MORN5: variants seen among roughly 807,000 people sequenced by gnomAD.
MORN5 encodes MORN repeat-containing protein 5.
MORN5 carries 21 observed loss-of-function variants against 22.1 expected under a neutral mutation model. The observed-to-expected ratio is 0.95, with a 90% CI of 0.67 to 1.37. MORN5 has a LOEUF of 1.37. Among genes scored for constraint, MORN5 ranks in the 40% most tolerant of loss-of-function variants. The pLI is 0.00. For synonymous variants in MORN5, 73 were observed against 74.0 expected (o/e 0.99, Z 0.07); for missense variants, 211 against 215.1 (o/e 0.98, Z 0.12).
At chr9:122,194,482 G>A (rs544825833) in intron 4 of MORN5, among the ~76,000 whole-genome samples, 3 of 152,124 alleles carry the variant, frequency 2.0e-5, no homozygotes, top group Non-Finnish European at 2.9e-5. Context: ...GAGTGGAGGC[G>A]GTTAGATTAG....
intron 4 of MORN5, among the ~76,000 whole-genome samples, chr9:122,179,784 C>CTGATTCA (rs1397861204): frequency 6.6e-6 from 1 of 152,226 alleles, no homozygotes; most frequent in African/African-American, 2.4e-5. Flanking sequence ...CTGTGAGGGA[C>CTGATTCA]TGATTCAGGC....
chr9:122,188,640 C>T (rs1274660613), intron 4 of MORN5, among the ~76,000 whole-genome samples: 1 of 152,188 alleles, frequency 6.6e-6, no homozygotes, highest in Non-Finnish European at 1.5e-5. Context: ...GCACTTGGTT[C>T]CTCTGAACTG....
intron 4 of MORN5, among the ~76,000 whole-genome samples, chr9:122,185,231 A>G (rs1233793942): frequency 1.0e-5 from 1 of 99,106 alleles, no homozygotes; most frequent in African/African-American, 4.0e-5. Context: ...AATTTTTTGT[A>G]TTTTTTTTTG....
rs1829924309 is a variant in MORN5, at chr9:122,197,667, A to T, written c.440-2218A>T. 1.3e-5 allele frequency among the ~76,000 whole-genome samples: 2 copies of T among 152,108 alleles called. No individual in the cohort carries two copies. The highest frequency in any genetic ancestry group is 4.8e-5 in the African/African-American group (2 of 41,422). On this transcript the variant is annotated intron_variant, in intron 4 of 4. Transcript: ENST00000373764. This position sits in a 1 kb window ranked among gnomAD's most constrained non-coding sequence, Gnocchi z 5.7. ...TGCTGTCAATTTTTAACGATCAGGG[A>T]GGGGCCTGAGGACTGGTTCAGCACA...
intron 4 of MORN5, among the ~76,000 whole-genome samples, chr9:122,190,811 G>A (rs768216947): frequency 6.6e-5 from 10 of 152,292 alleles, no homozygotes; most frequent in Non-Finnish European, 1.5e-4. Flanking sequence ...TTCTTGTCAG[G>A]AGTGGTGATG....
chr9:122,166,154 A>G (rs1829275294), intron 1 of MORN5, among the ~76,000 whole-genome samples: 1 of 152,142 alleles, frequency 6.6e-6, no homozygotes, highest in Admixed American at 6.5e-5. Context: ...CAGCATGGGA[A>G]AAACCCACCC....
intron 4 of MORN5, among the ~76,000 whole-genome samples, chr9:122,189,024 G>A (rs566451672): frequency 1.9e-4 from 29 of 152,098 alleles, no homozygotes; most frequent in African/African-American, 6.3e-4. Flanking sequence ...GTGAAACCCC[G>A]TCTCTACTAA....
At chr9:122,170,498 G>A (rs749557975) in intron 3 of MORN5, among the ~76,000 whole-genome samples, 8 of 152,268 alleles carry the variant, frequency 5.3e-5, no homozygotes, top group Middle Eastern at 6.8e-3. Flanking sequence ...AAGAGTTAAG[G>A]ACGAAAGCAG....
chr9:122,177,811 T>C (rs1364229302), intron 4 of MORN5, among the ~76,000 whole-genome samples: 1 of 152,272 alleles, frequency 6.6e-6, no homozygotes, highest in Non-Finnish European at 1.5e-5. Context: ...TTAAGTCTTC[T>C]GTACAACATT....
chr9:122,183,706 G>A (rs1829568929), intron 4 of MORN5, among the ~76,000 whole-genome samples: 1 of 152,150 alleles, frequency 6.6e-6, no homozygotes, highest in Non-Finnish European at 1.5e-5. Flanking sequence ...AGCACATCTG[G>A]CAAATGTCCT....
chr9:122,199,795 C>T, intron 4 of MORN5, 90 bp from the exon 5 acceptor site: 1 of 1,254,258 alleles, frequency 8.0e-7, no homozygotes. Context: ...CGGACCATCC[C>T]AGTCCCAACG....
At chr9:122,161,226 C>G (rs1829193588) in intron 1 of MORN5, among the ~76,000 whole-genome samples, 1 of 152,128 alleles carries the variant, frequency 6.6e-6, no homozygotes, top group African/African-American at 2.4e-5. Context: ...TGGTGGAATT[C>G]CAGGGCATTC....
At chr9:122,196,159 A>C (rs1012701096) in intron 4 of MORN5, among the ~76,000 whole-genome samples, 3 of 151,378 alleles carry the variant, frequency 2.0e-5, no homozygotes, top group Non-Finnish European at 4.4e-5. Flanking sequence ...AGGTTTTGCC[A>C]TGTTGCCCAG....
chr9:122,185,582 G>A (rs541550992), intron 4 of MORN5, among the ~76,000 whole-genome samples: 15 of 151,724 alleles, frequency 9.9e-5, no homozygotes, highest in South Asian at 2.1e-4. Context: ...GGATGGTCTC[G>A]ATCTCCTGAC....
At chr9:122,199,808 C>T in intron 4 of MORN5, 77 bp from the exon 5 acceptor site, 3 of 1,456,892 alleles carry the variant, frequency 2.1e-6, no homozygotes, top group Non-Finnish European at 2.9e-6. Flanking sequence ...TCCCAACGCC[C>T]CACCTGGGGA....
rs776199948 is a variant in MORN5 at position 122,166,753 on chromosome 9, CCT to C, written c.48-14_48-13del. ...CTGTCACACAGGGCTCAGTGATTTC[CCT>C]GTGTCTTTACAGGATGGAGGGCAAA... On this transcript the variant is annotated splice_polypyrimidine_tract_variant and intron_variant, in intron 1 of 4. Transcript: ENST00000373764. 5.0e-6 allele frequency: 8 copies of C among 1,610,020 alleles called. No homozygotes were observed. The highest frequency in any genetic ancestry group is 5.9e-6 in the Non-Finnish European group (7 of 1,177,756).
At chr9:122,170,418 G>A (rs1018152837) in intron 3 of MORN5, among the ~76,000 whole-genome samples, 10 of 152,128 alleles carry the variant, frequency 6.6e-5, no homozygotes, top group African/African-American at 1.4e-4. Context: ...GTGGGTGCAC[G>A]GTACATGTCA....
chr9:122,192,751 C>T (rs757093791), intron 4 of MORN5, among the ~76,000 whole-genome samples: 34 of 152,210 alleles, frequency 2.2e-4, no homozygotes, highest in Non-Finnish European at 4.7e-4. Flanking sequence ...GCTGCCCAAT[C>T]TATTGCCCCA....
chr9:122,180,981 C>T (rs1011519781), intron 4 of MORN5, among the ~76,000 whole-genome samples: 3 of 152,226 alleles, frequency 2.0e-5, no homozygotes, highest in African/African-American at 7.2e-5. Flanking sequence ...AGCACCTGCT[C>T]CTAGGTCCCT....
Sources: allele counts gnomAD v4.1 joint callset (sites outside exome capture counted in the v4.1 genomes callset), GRCh38; gene constraint gnomAD v4.1.1; non-coding constraint Gnocchi (gnomAD v3.1); transcripts MANE v1.5; gene names NCBI Gene and HGNC (gene_info 2026-07-23, HGNC 2026-07-21).